The following GLIS1 variants were observed in gnomAD, a reference collection of about 807,000 sequenced individuals.
The protein encoded by GLIS1 is GLIS family zinc finger 1, also known as zinc finger protein GLIS1.
In GLIS1, 24 loss-of-function variants were observed where a neutral mutation model predicts 63.8. The observed-to-expected ratio is 0.38, with a 90% CI of 0.27 to 0.53. The LOEUF is 0.53. GLIS1 is among the 20% of genes least tolerant of loss of function. The probability of loss-of-function intolerance (pLI) is 0.85; values close to 1 mark genes in which losing one functional copy is unlikely to be tolerated. For synonymous variants in GLIS1, 450 were observed against 482.5 expected (o/e 0.93, Z 0.88); for missense variants, 1,036 against 1,074.1 (o/e 0.96, Z 0.50).
intron 4 of GLIS1, among the ~76,000 whole-genome samples, chr1:53,553,623 T>C (rs1449615285): frequency 6.6e-6 from 1 of 152,056 alleles, no homozygotes; most frequent in African/African-American, 2.4e-5. Context: ...CGCCTGACCT[T>C]GTGGTATGGC....
intron 4 of GLIS1, among the ~76,000 whole-genome samples, chr1:53,570,301 T>C (rs1002790929): frequency 3.3e-5 from 5 of 151,812 alleles, no homozygotes; most frequent in Non-Finnish European, 7.4e-5. Context: ...AAAAAAATTG[T>C]TTAGAGATGG....
In GLIS1 at chr1:53,557,759, A is replaced by G. The variant is rs139837763; in HGVS notation, c.1321-27807T>C. Among the ~76,000 whole-genome samples, 640 of 152,328 alleles carry G rather than the reference A, an allele frequency of 4.2e-3. 7 individuals carry two copies. The highest frequency in any genetic ancestry group is 0.015 in the African/African-American group (603 of 41,562). On this transcript the variant is annotated intron_variant, in intron 4 of 10. Transcript: ENST00000628545. ...GTAAAATCAGACAGACTGGGTAAAT[A>G]TATATCTTCTTTTAAATGAAGCACG...
intron 4 of GLIS1, among the ~76,000 whole-genome samples, chr1:53,538,384 A>AAGCTCTCCCT (rs1644603935): frequency 1.3e-5 from 2 of 152,310 alleles, no homozygotes; most frequent in South Asian, 2.1e-4. Flanking sequence ...GGACTGGGCC[A>AAGCTCTCCCT]AGCTCTCCCT....
At chr1:53,733,959 T>G (rs1646888810) in intron 2 of GLIS1, 3 of 985,390 alleles carry the variant, frequency 3.0e-6, no homozygotes, top group Non-Finnish European at 3.6e-6. Context: ...TCACAGGAGC[T>G]TCTTATTCAG....
chr1:53,654,794 C>A (rs1403301305), intron 2 of GLIS1, among the ~76,000 whole-genome samples: 1 of 152,082 alleles, frequency 6.6e-6, no homozygotes, highest in Non-Finnish European at 1.5e-5. Context: ...CAGATGTGAA[C>A]GCCCAGCAAG....
intron 2 of GLIS1, 42 bp downstream of exon 2, chr1:53,737,764 C>A: frequency 8.1e-7 from 1 of 1,230,604 alleles, no homozygotes; most frequent in South Asian, 4.1e-5. Flanking sequence ...CAGCCCGAAT[C>A]TCCACAGGAG....
At chr1:53,649,349 T>C (rs1645881278) in intron 2 of GLIS1, among the ~76,000 whole-genome samples, 1 of 152,234 alleles carries the variant, frequency 6.6e-6, no homozygotes, top group South Asian at 2.1e-4. Context: ...ACTGCAGCTA[T>C]GTCATAGCCA....
At chr1:53,708,835 C>A (rs368475108) in intron 2 of GLIS1, among the ~76,000 whole-genome samples, 1 of 152,168 alleles carries the variant, frequency 6.6e-6, no homozygotes, top group Non-Finnish European at 1.5e-5. Context: ...GGAGCGTTAT[C>A]TTTGTGCATA....
At chr1:53,655,074 G>A (rs900871636) in intron 2 of GLIS1, among the ~76,000 whole-genome samples, 3 of 152,152 alleles carry the variant, frequency 2.0e-5, no homozygotes, top group African/African-American at 2.4e-5. Flanking sequence ...CCAGTGTGAC[G>A]CTCACACACC....
At chr1:53,569,853 TAAG>T (rs1443391468) in intron 4 of GLIS1, among the ~76,000 whole-genome samples, 2 of 151,934 alleles carry the variant, frequency 1.3e-5, no homozygotes, top group African/African-American at 2.4e-5. Context: ...ACAAAAAGCA[TAAG>T]AAGACTTATA....
intron 4 of GLIS1, among the ~76,000 whole-genome samples, chr1:53,532,987 T>G (rs1644546407): frequency 6.6e-6 from 1 of 152,242 alleles, no homozygotes; most frequent in Admixed American, 6.5e-5. Context: ...TGGACCCAAC[T>G]GCCTCTCCCA....
intron 4 of GLIS1, among the ~76,000 whole-genome samples, chr1:53,573,508 T>C (rs1361946876): frequency 1.3e-5 from 2 of 152,172 alleles, no homozygotes; most frequent in Non-Finnish European, 2.9e-5. Context: ...CTACGTTGTA[T>C]GGACACACAC....
chr1:53,538,975 T>C (rs545418657), intron 4 of GLIS1, among the ~76,000 whole-genome samples: 12 of 152,168 alleles, frequency 7.9e-5, no homozygotes, highest in African/African-American at 2.7e-4. Flanking sequence ...AGTCAGCTTC[T>C]CTTGGGCCCA....
In GLIS1 at chr1:53,509,166, C is replaced by T. The variant is rs773158514; in HGVS notation, c.2184G>A (p.Leu728=). The T allele has an allele frequency of 1.0e-5, 16 of 1,600,466 alleles. No individual in the cohort carries two copies. The highest frequency in any genetic ancestry group is 1.3e-5 in the Non-Finnish European group (15 of 1,174,132). ...TGAGGCTGTGGTAGCCATTGGGCCGCAGGGGGTTGAAACCGTGGGTCTCCC... is the reference window on the plus strand; with the variant it reads ...TGAGGCTGTGGTAGCCATTGGGCCGTAGGGGGTTGAAACCGTGGGTCTCCC... The part of the protein sequence containing the change: ...LVGETHGFNP[L]RPNGYHSLST... The change falls in exon 10 of 11, where the codon CTG becomes CTA. Residue 728 remains leucine (L), a synonymous_variant. Transcript: ENST00000628545.
At chr1:53,627,748 A>G (rs1380807027) in intron 2 of GLIS1, among the ~76,000 whole-genome samples, 4 of 152,220 alleles carry the variant, frequency 2.6e-5, no homozygotes, top group Non-Finnish European at 5.9e-5. Flanking sequence ...AAAGCTGAGT[A>G]TCAACCAGAG....
chr1:53,585,016 A>C (rs567454596), intron 4 of GLIS1, among the ~76,000 whole-genome samples: 2 of 152,292 alleles, frequency 1.3e-5, no homozygotes, highest in South Asian at 4.1e-4. Context: ...TTTCAATTCC[A>C]TTTACATTAA....
chr1:53,543,398 C>T (rs1043047954), intron 4 of GLIS1, among the ~76,000 whole-genome samples: 17 of 152,162 alleles, frequency 1.1e-4, no homozygotes, highest in African/African-American at 3.1e-4. Flanking sequence ...AATCGCCTTT[C>T]CTAGATGAGG....
intron 2 of GLIS1, among the ~76,000 whole-genome samples, chr1:53,723,083 A>G (rs1469040418): frequency 6.6e-6 from 1 of 151,952 alleles, no homozygotes; most frequent in African/African-American, 2.4e-5. Flanking sequence ...CAGTGAGCCA[A>G]GATCGTGACA....
At chr1:53,666,186 C>T (rs1202569166) in intron 2 of GLIS1, among the ~76,000 whole-genome samples, 1 of 152,334 alleles carries the variant, frequency 6.6e-6, no homozygotes, top group East Asian at 1.9e-4. Context: ...CACTGCTGAA[C>T]ATACAGTCAC....
Sources: allele counts gnomAD v4.1 joint callset (sites outside exome capture counted in the v4.1 genomes callset), GRCh38; gene constraint gnomAD v4.1.1; transcripts MANE v1.5; gene names NCBI Gene and HGNC (gene_info 2026-07-23, HGNC 2026-07-21).